MFN2: variants seen among roughly 807,000 people sequenced by gnomAD.
MFN2 encodes mitofusin 2.
A neutral mutation model predicts 87.5 loss-of-function variants in MFN2; 43 were observed. The observed-to-expected ratio is 0.49, with a 90% CI of 0.38 to 0.63. MFN2 has a LOEUF of 0.63. Among genes scored for constraint, MFN2 ranks in the 30% least tolerant of loss-of-function variants. MFN2 has a pLI of 0.00. For missense variants in MFN2, 743 were observed against 972.8 expected (o/e 0.76, Z 3.14); for synonymous variants, 337 against 359.9 (o/e 0.94, Z 0.72).
intron 3 of MFN2, 120 bp downstream of exon 3, chr1:11,989,463 A>G (rs1196327044): frequency 1.1e-5 from 12 of 1,142,090 alleles, no homozygotes; most frequent in African/African-American, 1.5e-5. Context: ...ATAGCCTTAG[A>G]AATGCTCTGC....
At position 12,007,318 on chromosome 1, in the gene MFN2, A is replaced by G. The variant is rs1368462220; in HGVS notation, c.2069+69A>G. ...AGGGTCAGCCCCATCTCCCTTCCCCATCTCTCTTCCCACGTGGCCTGGAAG... is the reference window on the plus strand; with the variant it reads ...AGGGTCAGCCCCATCTCCCTTCCCCGTCTCTCTTCCCACGTGGCCTGGAAG... On this transcript the variant is annotated intron_variant, in intron 17 of 18. Transcript: ENST00000235329. The G allele has an allele frequency of 2.6e-6, 4 of 1,557,912 alleles. No individual in the cohort carries two copies. In the African/African-American group the frequency reaches 4.1e-5, roughly 16 times the overall value.
chr1:11,996,994 C>T (rs528871342), intron 5 of MFN2, among the ~76,000 whole-genome samples: 6 of 146,490 alleles, frequency 4.1e-5, no homozygotes, highest in Admixed American at 6.9e-5. Flanking sequence ...GCTGAGATCA[C>T]GCCACTGTAC....
chr1:11,989,637 G>C (rs969165011), intron 3 of MFN2, among the ~76,000 whole-genome samples: 6 of 152,150 alleles, frequency 3.9e-5, no homozygotes, highest in African/African-American at 1.4e-4. Context: ...TGAGGTTTGA[G>C]AGTTGTCCGA....
At chr1:11,993,334 G>C (rs116314548) in intron 4 of MFN2, among the ~76,000 whole-genome samples, 1 of 151,778 alleles carries the variant, frequency 6.6e-6, no homozygotes, top group South Asian at 2.1e-4. Flanking sequence ...TGAAAATTTC[G>C]TAAGACATTA....
At chr1:11,997,097 C>A (rs567437168) in intron 5 of MFN2, among the ~76,000 whole-genome samples, 200 bp from the exon 6 acceptor site, 1 of 151,434 alleles carries the variant, frequency 6.6e-6, no homozygotes, top group African/African-American at 2.4e-5. Flanking sequence ...AGGGTGATAT[C>A]CGGGAAAGAA....
chr1:11,995,762 C>A (rs2100821321), intron 4 of MFN2, among the ~76,000 whole-genome samples: 1 of 152,284 alleles, frequency 6.6e-6, no homozygotes. Context: ...GCGAAACATG[C>A]CCTGTGTAGG....
intron 18 of MFN2, among the ~76,000 whole-genome samples, chr1:12,011,013 G>A (rs915661004): frequency 2.0e-5 from 3 of 151,430 alleles, no homozygotes; most frequent in South Asian, 4.2e-4. Flanking sequence ...CCCTGCCCTC[G>A]ACTGCGGATG....
Position 12,001,716 on chromosome 1 carries a change from G to A in MFN2, c.971-53G>A, listed in dbSNP as rs1263607393. On this transcript the variant is annotated intron_variant, in intron 9 of 18. Coordinates refer to ENST00000235329, the MANE Select transcript of MFN2 (RefSeq NM_014874.4). Reference sequence around the variant, plus strand: ...TGGCTTGGTTTCTGGGGATTTCATCGTTTTCCTCTGCTGCCAAGTTGTTTC... The same window carrying A: ...TGGCTTGGTTTCTGGGGATTTCATCATTTTCCTCTGCTGCCAAGTTGTTTC... 13 of 1,609,704 alleles carry A rather than the reference G, an allele frequency of 8.1e-6. No individual in the cohort carries two copies. The African/African-American group carries it at 9.4e-5, about 12-fold the overall frequency.
intron 14 of MFN2, 58 bp from the exon 15 acceptor site, chr1:12,005,653 T>A: frequency 6.5e-7 from 1 of 1,538,820 alleles, no homozygotes; most frequent in South Asian, 1.1e-5. Context: ...CAAGGCTTGG[T>A]GCCGCTGTGG....
chr1:12,009,970 A>G (rs1037182833), intron 18 of MFN2, among the ~76,000 whole-genome samples: 11 of 152,214 alleles, frequency 7.2e-5, no homozygotes, highest in Admixed American at 2.0e-4. Flanking sequence ...CCTGACCAAC[A>G]TGGTGAAACC....
In MFN2 at chr1:12,004,546, CTG is replaced by C. The variant is rs2100848845; in HGVS notation, c.1327_1328del (p.Val443ThrfsTer20). 1 of 1,614,176 alleles carries C rather than the reference CTG, an allele frequency of 6.2e-7. No individual in the cohort carries two copies. The highest frequency in any genetic ancestry group is 8.5e-7 in the Non-Finnish European group (1 of 1,180,030). On this transcript the variant is annotated frameshift_variant, in exon 13 of 19. Transcript: ENST00000235329. LOFTEE classifies it high-confidence loss of function. The surrounding 1 kb of genome is among the most constrained non-coding windows in gnomAD (Gnocchi z 4.2). The stretch of plus-strand genomic sequence containing the variant: ...ATGGCCGAGGAGATCAGGCGCCTCT[CTG>C]TACTGGTGGACGATTACCAGATGGA...
At chr1:11,994,268 A>G (rs896851253) in intron 4 of MFN2, among the ~76,000 whole-genome samples, 6 of 152,210 alleles carry the variant, frequency 3.9e-5, no homozygotes, top group Non-Finnish European at 7.3e-5. Context: ...GCCACAATGT[A>G]CCTAAAGTAC....
At position 11,998,129 on chromosome 1, in the gene MFN2, A is replaced by G. The variant is rs538785676; in HGVS notation, c.600-641A>G. On this transcript the variant is annotated intron_variant, in intron 6 of 18. Coordinates refer to ENST00000235329, the MANE Select transcript of MFN2 (RefSeq NM_014874.4). ...GAACTGCTGACCTCATGATCCGCCC[A>G]CCTTAGCCTCCCAAAGTGCTGGGAT... 6.8e-4 allele frequency among the ~76,000 whole-genome samples: 103 copies of G among 150,684 alleles called. 1 individual carries two copies. The highest frequency in any genetic ancestry group is 1.5e-3 in the South Asian group (7 of 4,714).
chr1:11,998,634 C>A, intron 6 of MFN2, 136 bp from the exon 7 acceptor site: 1 of 802,744 alleles, frequency 1.2e-6, no homozygotes, highest in South Asian at 1.3e-5. Context: ...TTAATGAGGG[C>A]CAGGCCTGAT....
At chr1:11,997,604 T>C (rs1638968257) in intron 6 of MFN2, among the ~76,000 whole-genome samples, 183 bp downstream of exon 6, 1 of 152,158 alleles carries the variant, frequency 6.6e-6, no homozygotes, top group Non-Finnish European at 1.5e-5. Context: ...TTACTATACC[T>C]ATTTATCAGT....
At chr1:12,002,237 G>A (rs1639210854) in intron 11 of MFN2, 134 bp downstream of exon 11, 1 of 1,448,150 alleles carries the variant, frequency 6.9e-7, no homozygotes, top group Admixed American at 1.9e-5. Flanking sequence ...CCTTTCCCTG[G>A]CCACCAGACC....
At chr1:11,990,131 G>T (rs1220100422) in intron 3 of MFN2, among the ~76,000 whole-genome samples, 1 of 152,148 alleles carries the variant, frequency 6.6e-6, no homozygotes, top group African/African-American at 2.4e-5. Flanking sequence ...TGGTGCTTCG[G>T]GGGTTGGCCC....
chr1:11,990,297 G>A (rs547546428), intron 3 of MFN2, among the ~76,000 whole-genome samples: 7 of 152,330 alleles, frequency 4.6e-5, no homozygotes, highest in East Asian at 3.9e-4. Flanking sequence ...TTTGCGTGGC[G>A]CTTGATGCCA....
Position 11,992,044 on chromosome 1 carries a change from G to A in MFN2, c.176-511G>A, listed in dbSNP as rs1638709271. Among the ~76,000 whole-genome samples, 2 of 150,694 alleles carry A rather than the reference G, an allele frequency of 1.3e-5. 1 individual carries two copies. The highest frequency in any genetic ancestry group is 1.3e-4 in the Admixed American group (2 of 15,104). The stretch of plus-strand genomic sequence containing the variant: ...TGCCTTTTACTAACTCCGGAGCCAT[G>A]TTAATAAAGAGGACCAAAGGAGAGA... On this transcript the variant is annotated intron_variant, in intron 3 of 18. Transcript: ENST00000235329.
Sources: gnomAD v4.1 joint callset for allele counts (sites outside exome capture counted in the v4.1 genomes callset) on GRCh38, gnomAD v4.1.1 for gene constraint, Gnocchi (gnomAD v3.1) non-coding constraint, MANE v1.5 for transcripts, NCBI Gene and HGNC (gene_info 2026-07-23, HGNC 2026-07-21) for gene names.